FHIT: variants seen among roughly 807,000 people sequenced by gnomAD.
FHIT encodes the protein fragile histidine triad diadenosine triphosphatase.
A neutral mutation model predicts 17.9 loss-of-function variants in FHIT; 19 were observed. The observed-to-expected ratio is 1.06, with a 90% CI of 0.74 to 1.56. The LOEUF (loss-of-function observed/expected upper bound fraction) is 1.56. FHIT is among the 40% of genes most tolerant of loss of function. FHIT has a pLI of 0.00. For missense variants in FHIT, 248 were observed against 189.2 expected, an observed-to-expected ratio of 1.31 and a Z score of -1.82; for synonymous variants, 81 against 69.7, an observed-to-expected ratio of 1.16 and a Z score of -0.81.
chr3:61,187,566 C>G (rs12629280), intron 2 of FHIT, among the ~76,000 whole-genome samples: 34,765 of 152,056 alleles, frequency 0.23, 5,045 homozygotes, highest in East Asian at 0.71. Flanking sequence ...GAACTCAGCT[C>G]TGCAGCAAGC....
intron 2 of FHIT, among the ~76,000 whole-genome samples, chr3:61,118,703 T>C (rs1404097457): frequency 6.6e-6 from 1 of 152,208 alleles, no homozygotes; most frequent in African/African-American, 2.4e-5. Flanking sequence ...TTCCCTTATT[T>C]GTGAAATAGG....
intron 4 of FHIT, among the ~76,000 whole-genome samples, chr3:60,745,518 T>C (rs1052578566): frequency 3.9e-5 from 6 of 152,178 alleles, no homozygotes; most frequent in African/African-American, 7.2e-5. Context: ...ATGGTGGTAG[T>C]TGATGTGATC....
intron 5 of FHIT, among the ~76,000 whole-genome samples, chr3:60,490,561 T>A (rs1048499117): frequency 3.3e-5 from 5 of 151,974 alleles, no homozygotes; most frequent in African/African-American, 1.2e-4. Context: ...AACCTCTTGC[T>A]CCGTCTCCAC....
At chr3:60,960,652 T>C (rs1709380642) in intron 3 of FHIT, among the ~76,000 whole-genome samples, 1 of 152,200 alleles carries the variant, frequency 6.6e-6, no homozygotes, top group Admixed American at 6.5e-5. Context: ...GTTCTCATTG[T>C]TCAATTCCCA....
chr3:60,195,555 ATATATT>A (rs1371002755), intron 5 of FHIT, among the ~76,000 whole-genome samples: 2 of 141,580 alleles, frequency 1.4e-5, no homozygotes, highest in Non-Finnish European at 3.0e-5. Flanking sequence ...TGATATATAT[ATATATT>A]TATATTTATA....
At chr3:60,046,560 A>G (rs988754432) in intron 5 of FHIT, among the ~76,000 whole-genome samples, 3 of 152,232 alleles carry the variant, frequency 2.0e-5, no homozygotes, top group African/African-American at 4.8e-5. Context: ...TTGTTCACAA[A>G]TTTAGGGGGA....
intron 4 of FHIT, among the ~76,000 whole-genome samples, chr3:60,805,855 T>C (rs1052734814): frequency 1.2e-4 from 18 of 152,118 alleles, no homozygotes; most frequent in Admixed American, 7.9e-4. Flanking sequence ...CACCGTGCCC[T>C]GCCTACCTTT....
At position 60,257,902 on chromosome 3, in the gene FHIT, C is replaced by T. The variant is rs143523620; in HGVS notation, c.104-243750G>A. On this transcript the variant is annotated intron_variant, in intron 5 of 9. Coordinates refer to ENST00000492590, the MANE Select transcript of FHIT (RefSeq NM_002012.4). ...AAACTAAGGCCTGTCGGAGGGTCAA[C>T]GGGGAGGAGAGAGAATATCCGGAAG... 2.2e-4 allele frequency among the ~76,000 whole-genome samples: 33 copies of T among 152,048 alleles called. No individual in the cohort carries two copies. The South Asian group carries it at 2.9e-3, about 13-fold the overall frequency.
rs1276021057 is a variant in FHIT at position 60,004,832 on chromosome 3, T to C, written c.279+6539A>G. Among the ~76,000 whole-genome samples the C allele has an allele frequency of 4.6e-5, 7 of 152,152 alleles. No homozygotes were observed. In the East Asian group the frequency reaches 1.3e-3, roughly 29 times the overall value. On this transcript the variant is annotated intron_variant, in intron 7 of 9. Transcript: ENST00000492590. ...TTGCAGGTTGTTGTGAGGACTGAAG[T>C]AAGAATTATAAAACTAATGGTGAAC... is the stretch of plus-strand genomic sequence containing the variant.
chr3:61,092,483 A>AGTATATATGTCCCTTAAAAATAT, intron 2 of FHIT, among the ~76,000 whole-genome samples: 1 of 150,992 alleles, frequency 6.6e-6, no homozygotes, highest in Non-Finnish European at 1.5e-5. Context: ...AGAGCTCTAA[A>AGTATATATGTCCCTTAAAAATAT]GTATATATGT....
At chr3:59,939,872 C>T (rs944954777) in intron 7 of FHIT, among the ~76,000 whole-genome samples, 1 of 152,148 alleles carries the variant, frequency 6.6e-6, no homozygotes, top group Non-Finnish European at 1.5e-5. Flanking sequence ...AATGAGACAT[C>T]CTCTAGCTGG....
intron 8 of FHIT, among the ~76,000 whole-genome samples, chr3:59,848,742 A>G (rs942795916): frequency 2.0e-5 from 3 of 152,162 alleles, no homozygotes; most frequent in African/African-American, 7.2e-5. Context: ...TTGTCTGAGG[A>G]ACCTTTCCAA....
At chr3:60,173,915 A>ATATATATATATATATTTT in intron 5 of FHIT, among the ~76,000 whole-genome samples, 2 of 66,436 alleles carry the variant, frequency 3.0e-5, no homozygotes, top group Non-Finnish European at 5.5e-5. Flanking sequence ...ATATATATAT[A>ATATATATATATATATTTT]TGTTTTTTTT....
chr3:60,952,412 T>C (rs1208444705), intron 3 of FHIT, among the ~76,000 whole-genome samples: 1 of 152,164 alleles, frequency 6.6e-6, no homozygotes, highest in East Asian at 1.9e-4. Flanking sequence ...AATCAAAGAA[T>C]AGTCCCTAGG....
chr3:59,757,107 C>T (rs72884793), intron 8 of FHIT, among the ~76,000 whole-genome samples: 2,421 of 152,190 alleles, frequency 0.016, 75 homozygotes, highest in African/African-American at 0.056. Context: ...TGCTCAACAC[C>T]AACGCTGATG....
intron 5 of FHIT, among the ~76,000 whole-genome samples, chr3:60,055,847 C>T (rs1702060108): frequency 6.6e-6 from 1 of 152,186 alleles, no homozygotes; most frequent in Non-Finnish European, 1.5e-5. Flanking sequence ...CACTCCCACG[C>T]AACACAAACT....
intron 8 of FHIT, among the ~76,000 whole-genome samples, chr3:59,892,921 CA>C (rs369972814): frequency 6.6e-6 from 1 of 152,054 alleles, no homozygotes; most frequent in South Asian, 2.1e-4. Flanking sequence ...ATACTTTATA[CA>C]AAAAAGATAG....
chr3:60,849,278 C>T (rs143925710), intron 3 of FHIT, among the ~76,000 whole-genome samples: 93 of 151,790 alleles, frequency 6.1e-4, no homozygotes, highest in South Asian at 1.5e-3. Context: ...TACTATTTGG[C>T]TTTTGGCCCT....
intron 5 of FHIT, among the ~76,000 whole-genome samples, chr3:60,514,298 G>A (rs2035062824): frequency 6.6e-6 from 1 of 152,202 alleles, no homozygotes. Context: ...GCTGCCATGG[G>A]GCATGCACAG....
Sources: gnomAD v4.1 joint callset for allele counts (sites outside exome capture counted in the v4.1 genomes callset) on GRCh38, gnomAD v4.1.1 for gene constraint, MANE v1.5 for transcripts, NCBI Gene and HGNC (gene_info 2026-07-23, HGNC 2026-07-21) for gene names.